The following SLC26A5 variants were observed in gnomAD, a reference collection of about 807,000 sequenced individuals.
SLC26A5 encodes solute carrier family 26 member 5, also known as prestin.
SLC26A5 carries 51 observed loss-of-function variants against 81.0 expected under a neutral mutation model. The observed-to-expected ratio is 0.63, with a 90% CI of 0.50 to 0.80. The LOEUF (loss-of-function observed/expected upper bound fraction) is 0.80. SLC26A5 is among the 30% of genes least tolerant of loss of function. The probability of loss-of-function intolerance (pLI) is 0.00; values close to 1 mark genes in which losing one functional copy is unlikely to be tolerated. For missense variants in SLC26A5, 771 were observed against 905.8 expected (o/e 0.85, Z 1.91); for synonymous variants, 325 against 332.8 (o/e 0.98, Z 0.25).
intron 19 of SLC26A5, among the ~76,000 whole-genome samples, chr7:103,361,104 ACT>A (rs1055361388): frequency 1.1e-4 from 17 of 151,502 alleles, no homozygotes; most frequent in Admixed American, 3.3e-4. Flanking sequence ...CCAGAGCAAG[ACT>A]CTGTCTCAAA....
downstream of SLC26A5, among the ~76,000 whole-genome samples, chr7:103,371,899 G>A (rs1193941028): frequency 4.6e-5 from 7 of 151,758 alleles, no homozygotes; most frequent in Admixed American, 3.3e-4. Context: ...GTTTCACCAT[G>A]ATGGCCAGGC....
chr7:103,378,956 A>G (rs779870324), intron 16 of SLC26A5, among the ~76,000 whole-genome samples: 2 of 152,164 alleles, frequency 1.3e-5, no homozygotes, highest in Non-Finnish European at 2.9e-5. Flanking sequence ...TTATTTTCTC[A>G]TGTTTTCTTA....
At position 103,420,814 on chromosome 7, in the gene SLC26A5, T is replaced by G; in HGVS notation, c.216A>C (p.Pro72=). ...ACACATATTCCTTGAATTTGTATGC[T>G]GGCAGCCATTTAGTTATGGGTAGGA... is the stretch of plus-strand genomic sequence containing the variant. ...YMFLPITKWL[P]AYKFKEYVLG... The change falls in exon 4 of 20, where the codon CCA becomes CCC. Residue 72 remains proline, a synonymous_variant. Coordinates refer to ENST00000306312, the MANE Select transcript of SLC26A5 (RefSeq NM_198999.3). The G allele has an allele frequency of 6.2e-7, 1 of 1,613,908 alleles. No individual in the cohort carries two copies. The highest frequency in any genetic ancestry group is 8.5e-7 in the Non-Finnish European group (1 of 1,179,752).
intron 1 of SLC26A5, among the ~76,000 whole-genome samples, chr7:103,444,901 A>G (rs1827167404): frequency 1.3e-5 from 2 of 152,222 alleles, no homozygotes; most frequent in Admixed American, 1.3e-4. Flanking sequence ...TACTACCGTA[A>G]TTAGAAGGAA....
intron 7 of SLC26A5, among the ~76,000 whole-genome samples, chr7:103,408,539 T>G (rs1824241673): frequency 1.3e-5 from 2 of 152,202 alleles, no homozygotes; most frequent in African/African-American, 2.4e-5. Flanking sequence ...ATAGTTATTC[T>G]TATCAAACAA....
chr7:103,354,788 C>T (rs1819938543), intron 19 of SLC26A5: 2 of 915,822 alleles, frequency 2.2e-6, no homozygotes, highest in Admixed American at 2.3e-5. Flanking sequence ...GAAATTGTAA[C>T]TTAAAAATAA....
chr7:103,371,262 T>C (rs978529514), downstream of SLC26A5, among the ~76,000 whole-genome samples: 1 of 152,154 alleles, frequency 6.6e-6, no homozygotes, highest in Non-Finnish European at 1.5e-5. Flanking sequence ...TTCAAAACAG[T>C]TTAAAAGTTC....
chr7:103,375,035 A>AAC lies in SLC26A5; in HGVS notation c.2042-445_2042-444dup, dbSNP rs901002259. ...AAAGTGGGGAAAAAATATATACACA[A>AAC]ACACACACACACACACACATATATA... On this transcript the variant is annotated intron_variant, in intron 19 of 19. Transcript: ENST00000306312. Among the ~76,000 whole-genome samples, 1,224 of 144,716 alleles carry AAC rather than the reference A, an allele frequency of 8.5e-3. 15 individuals carry two copies. The highest frequency in any genetic ancestry group is 0.021 in the African/African-American group (825 of 39,834). The allele number at this position is 144,716 out of a possible 152,430, so 94.9% of individuals were successfully genotyped here.
At chr7:103,352,781 G>A (rs1272975758) in exon 20 of SLC26A5, 1 of 775,916 alleles carries the variant, frequency 1.3e-6, no homozygotes, top group East Asian at 2.4e-5. Context: ...GTTCAGAAGT[G>A]TTAAGTGACT....
chr7:103,382,346 C>CTTT (rs755840628), intron 14 of SLC26A5, among the ~76,000 whole-genome samples: 81 of 114,336 alleles, frequency 7.1e-4, no homozygotes, highest in African/African-American at 1.5e-3. Context: ...GCCCTATTTC[C>CTTT]TTTTTTTTTT....
chr7:103,355,678 A>G (rs764475256), intron 19 of SLC26A5: 5 of 1,596,348 alleles, frequency 3.1e-6, no homozygotes, highest in Non-Finnish European at 4.3e-6. Context: ...AAATTTTGTC[A>G]TCTTTCTCTA....
At chr7:103,377,067 G>A (rs1478167911) in intron 18 of SLC26A5, among the ~76,000 whole-genome samples, 2 of 152,106 alleles carry the variant, frequency 1.3e-5, no homozygotes, top group East Asian at 3.8e-4. Flanking sequence ...ATAATTAGGG[G>A]TAGCAAAAAT....
Position 103,411,444 on chromosome 7 carries a change from C to G in SLC26A5, c.546G>C (p.Val182=). ...CCTGAATGATTCCTGAAAGTAAGGTCACAGACATGGCGACTTTCACTCTCA... is the reference window on the plus strand; with the variant it reads ...CCTGAATGATTCCTGAAAGTAAGGTGACAGACATGGCGACTTTCACTCTCA... ...DALRVKVAMS[V]TLLSGIIQFC... Residue 182 remains valine, a synonymous_variant, in exon 6 of 20, where the codon GTG becomes GTC. Coordinates refer to ENST00000306312, the MANE Select transcript of SLC26A5 (RefSeq NM_198999.3). 6.2e-7 allele frequency: 1 copy of G among 1,614,184 alleles called. No individual in the cohort carries two copies. Among genetic ancestry groups the G allele is most frequent in the Non-Finnish European group, 8.5e-7 (1 of 1,180,026 alleles).
intron 9 of SLC26A5, among the ~76,000 whole-genome samples, chr7:103,393,347 C>T (rs765183871): frequency 1.2e-4 from 19 of 152,138 alleles, no homozygotes; most frequent in Non-Finnish European, 2.5e-4. Flanking sequence ...TACCTCATGG[C>T]ACCCTGATGG....
At chr7:103,415,217 TA>T (rs942799071) in intron 4 of SLC26A5, among the ~76,000 whole-genome samples, 3 of 152,104 alleles carry the variant, frequency 2.0e-5, no homozygotes, top group Non-Finnish European at 4.4e-5. Context: ...CGAATGTTGT[TA>T]AAAAAATTTA....
chr7:103,436,636 T>C (rs368859244), intron 2 of SLC26A5, among the ~76,000 whole-genome samples: 2 of 152,140 alleles, frequency 1.3e-5, no homozygotes, highest in African/African-American at 4.8e-5. Flanking sequence ...CCCAAAGTGG[T>C]CAGCTGCTAT....
chr7:103,443,424 TG>T (rs1276763912), intron 1 of SLC26A5, among the ~76,000 whole-genome samples: 1 of 152,198 alleles, frequency 6.6e-6, no homozygotes, highest in Non-Finnish European at 1.5e-5. Context: ...ACTGCTAGGA[TG>T]TGAGAAAGAT....
chr7:103,439,259 AT>A (rs1826690799), intron 2 of SLC26A5, among the ~76,000 whole-genome samples: 1 of 152,142 alleles, frequency 6.6e-6, no homozygotes, highest in South Asian at 2.1e-4. Flanking sequence ...GAAGAGGCTA[AT>A]TTGGAGAGGA....
intron 2 of SLC26A5, among the ~76,000 whole-genome samples, chr7:103,436,046 C>T (rs1826428987): frequency 6.6e-6 from 1 of 151,826 alleles, no homozygotes. Flanking sequence ...AAGTATTTAC[C>T]ATAACATGGT....
Sources: gnomAD v4.1 joint callset for allele counts (sites outside exome capture counted in the v4.1 genomes callset) on GRCh38, gnomAD v4.1.1 for gene constraint, MANE v1.5 for transcripts, NCBI Gene and HGNC (gene_info 2026-07-23, HGNC 2026-07-21) for gene names.